Variants in NEDD4 observed in about 807,000 individuals in gnomAD.
NEDD4 encodes the protein NEDD4 E3 ubiquitin protein ligase.
Under a neutral mutation model 144.9 loss-of-function variants are expected in NEDD4, and 99 were observed. That is an observed-to-expected ratio of 0.68 (90% CI 0.58 to 0.81). The LOEUF is 0.81. Ranked by LOEUF, NEDD4 falls within the 30% of genes least tolerant of loss-of-function variation. The pLI, the probability that NEDD4 is intolerant of heterozygous loss-of-function variation, is 0.00. For synonymous variants in NEDD4, 318 were observed against 350.6 expected, an observed-to-expected ratio of 0.91 and a Z score of 1.04; for missense variants, 985 against 1,065.9, an observed-to-expected ratio of 0.92 and a Z score of 1.06.
At chr15:55,935,410 C>T (rs779224148) in intron 4 of NEDD4, among the ~76,000 whole-genome samples, 1 of 152,086 alleles carries the variant, frequency 6.6e-6, no homozygotes, top group Non-Finnish European at 1.5e-5. Flanking sequence ...CTCCCAGGGG[C>T]TGAATTTTGA....
Position 55,838,151 on chromosome 15 carries a change from T to G in NEDD4, c.2157A>C (p.Gly719=). ...QTHQHELKNG[G]SEIVVTNKNK... ...TCTTATTGGTGACAACTATTTCTGA[T>G]CCACCATTTTTCAGCTCATGTTGAT... Residue 719 remains glycine (G), a synonymous_variant, in exon 23 of 29, where the codon GGA becomes GGC. Transcript: ENST00000435532. The G allele has an allele frequency of 6.3e-7, 1 of 1,597,274 alleles. No individual in the cohort carries two copies. Among genetic ancestry groups the G allele is most frequent in the South Asian group, 1.1e-5 (1 of 88,700 alleles).
chr15:55,971,692 T>G (rs1167630575), intron 1 of NEDD4, among the ~76,000 whole-genome samples: 1 of 150,342 alleles, frequency 6.7e-6, no homozygotes, highest in Non-Finnish European at 1.5e-5. Flanking sequence ...AAAAAGTTTA[T>G]TCAGAGAAAT....
Position 55,856,215 on chromosome 15 carries a change from A to G in NEDD4, c.961-19T>C. ...AATGATTCTTGTGAAAAAACAAGACAACAGAAGAATACCTTGATATTTGTG... is the reference window on the plus strand; with the variant it reads ...AATGATTCTTGTGAAAAAACAAGACGACAGAAGAATACCTTGATATTTGTG... On this transcript the variant is annotated intron_variant, in intron 11 of 28. Coordinates refer to ENST00000435532, the MANE Select transcript of NEDD4 (RefSeq NM_006154.4). The G allele has an allele frequency of 6.2e-7, 1 of 1,608,204 alleles. No homozygotes were observed. Among genetic ancestry groups the G allele is most frequent in the Non-Finnish European group, 8.5e-7 (1 of 1,176,254 alleles).
At chr15:55,993,282 G>A (rs1340165194) in intron 1 of NEDD4, among the ~76,000 whole-genome samples, 1 of 152,316 alleles carries the variant, frequency 6.6e-6, no homozygotes, top group East Asian at 1.9e-4. Context: ...GCTCCGGGAA[G>A]GGGCGGGTGT....
intron 5 of NEDD4, among the ~76,000 whole-genome samples, chr15:55,903,824 CA>C (rs1198758409): frequency 0.1 from 7,429 of 73,430 alleles, 227 homozygotes; most frequent in Admixed American, 0.18. Context: ...GACTCCATCT[CA>C]AAAAAAAAAA....
At chr15:55,887,002 C>A (rs1209068660) in intron 5 of NEDD4, among the ~76,000 whole-genome samples, 3 of 150,596 alleles carry the variant, frequency 2.0e-5, no homozygotes, top group African/African-American at 7.3e-5. Context: ...AAGCAGTACT[C>A]AGGGGAAAGT....
At chr15:55,859,897 C>A (rs2034335340) in intron 11 of NEDD4, among the ~76,000 whole-genome samples, 1 of 152,162 alleles carries the variant, frequency 6.6e-6, no homozygotes, top group East Asian at 1.9e-4. Flanking sequence ...CCCATCCTGG[C>A]AAATGTGAGT....
intron 5 of NEDD4, among the ~76,000 whole-genome samples, chr15:55,878,343 A>G (rs1338910450): frequency 1.3e-5 from 2 of 152,192 alleles, no homozygotes; most frequent in Non-Finnish European, 2.9e-5. Flanking sequence ...AAACTGTCCC[A>G]TTAAAATGGG....
chr15:55,958,046 C>G (rs1313881260), intron 2 of NEDD4, among the ~76,000 whole-genome samples: 1 of 152,002 alleles, frequency 6.6e-6, no homozygotes, highest in Non-Finnish European at 1.5e-5. Flanking sequence ...TGCAGCACAC[C>G]AACATGGCAT....
chr15:55,927,832 G>A (rs2036704042), intron 4 of NEDD4, among the ~76,000 whole-genome samples: 1 of 152,128 alleles, frequency 6.6e-6, no homozygotes, highest in Non-Finnish European at 1.5e-5. Context: ...GCTTAGGATG[G>A]CCCCAGTTGG....
intron 8 of NEDD4, among the ~76,000 whole-genome samples, chr15:55,863,825 AT>A (rs2034494321): frequency 6.6e-6 from 1 of 152,234 alleles, no homozygotes; most frequent in African/African-American, 2.4e-5. Flanking sequence ...GGAAAAAATC[AT>A]TTGATAAAGG....
At chr15:55,836,047 G>A (rs1412998862) in intron 24 of NEDD4, among the ~76,000 whole-genome samples, 6 of 152,010 alleles carry the variant, frequency 3.9e-5, no homozygotes, top group African/African-American at 1.2e-4. Flanking sequence ...ACTGCCTGTG[G>A]GTACAGCCTA....
intron 5 of NEDD4, among the ~76,000 whole-genome samples, chr15:55,879,222 G>A (rs2035098556): frequency 1.3e-5 from 2 of 152,220 alleles, no homozygotes; most frequent in Admixed American, 6.5e-5. Flanking sequence ...GACTGGAAGA[G>A]TAGATGACAG....
chr15:55,927,338 TCTCA>T (rs2036694692), intron 4 of NEDD4, among the ~76,000 whole-genome samples: 1 of 150,806 alleles, frequency 6.6e-6, no homozygotes, highest in African/African-American at 2.4e-5. Context: ...TGAGATAGAG[TCTCA>T]CTCTGTCACC....
intron 4 of NEDD4, among the ~76,000 whole-genome samples, chr15:55,940,518 TTCTCTCTCTCTCTC>T (rs60338644): frequency 0.027 from 2,850 of 106,276 alleles, 122 homozygotes; most frequent in African/African-American, 0.082. Context: ...CTCCTCCCCC[TTCTCTCTCTCTCTC>T]TCTCTCTCTC....
rs774779717 is a variant in NEDD4, at chr15:55,916,047, C to T, written c.291+8599G>A. 15 of 1,613,694 alleles carry T rather than the reference C, an allele frequency of 9.3e-6. No homozygotes were observed. The East Asian group carries it at 2.2e-4, about 24-fold the overall frequency. On this transcript the variant is annotated intron_variant, in intron 5 of 28. Coordinates refer to ENST00000435532, the MANE Select transcript of NEDD4 (RefSeq NM_006154.4). The stretch of plus-strand genomic sequence containing the variant: ...AGGAAAAATGACTAAGGAGGAGTAA[C>T]GTTTTAGTGGAATTTTTGTGTTCCT...
chr15:55,858,800 A>G (rs1483254578), intron 11 of NEDD4, among the ~76,000 whole-genome samples: 2 of 152,250 alleles, frequency 1.3e-5, no homozygotes, highest in Non-Finnish European at 2.9e-5. Context: ...AGAGGTTAGC[A>G]CACATTTCCT....
At chr15:55,992,611 T>C (rs894770571) in intron 1 of NEDD4, among the ~76,000 whole-genome samples, 1 of 152,222 alleles carries the variant, frequency 6.6e-6, no homozygotes, top group Non-Finnish European at 1.5e-5. Flanking sequence ...TTAGACTACA[T>C]GCAGCCTTTT....
chr15:55,933,520 G>T (rs149582146), intron 4 of NEDD4, among the ~76,000 whole-genome samples: 4 of 131,372 alleles, frequency 3.0e-5, no homozygotes, highest in East Asian at 2.6e-4. Flanking sequence ...CACACACTGG[G>T]GCCTGTCGTG....
Sources: gnomAD v4.1 joint callset for allele counts (sites outside exome capture counted in the v4.1 genomes callset) on GRCh38, gnomAD v4.1.1 for gene constraint, MANE v1.5 for transcripts, NCBI Gene and HGNC (gene_info 2026-07-23, HGNC 2026-07-21) for gene names.